Variants in PIK3CD observed in about 807,000 individuals in gnomAD.
The protein encoded by PIK3CD is phosphatidylinositol 4,5-bisphosphate 3-kinase catalytic subunit delta isoform.
Under a neutral mutation model 122.9 loss-of-function variants are expected in PIK3CD, and 20 were observed. The observed-to-expected ratio is 0.16, with a 90% CI of 0.11 to 0.24. The LOEUF is 0.24. Ranked by LOEUF, PIK3CD falls within the 10% of genes least tolerant of loss-of-function variation. PIK3CD has a pLI of 1.00. For synonymous variants in PIK3CD, 596 were observed against 593.4 expected (o/e 1.00, Z -0.06); for missense variants, 787 against 1,406.3 (o/e 0.56, Z 7.04).
At chr1:9,716,353 C>G in intron 5 of PIK3CD, 87 bp from the exon 6 acceptor site, 1 of 1,330,752 alleles carries the variant, frequency 7.5e-7, no homozygotes. Context: ...AGACCCTACC[C>G]TTGGGGGCAA....
the PIK3CD span, among the ~76,000 whole-genome samples, chr1:9,646,280 A>G: frequency 6.6e-6 from 1 of 152,330 alleles, no homozygotes; most frequent in East Asian, 1.9e-4. Context: ...GAGAAAATAT[A>G]ACTTCTCCTC....
At chr1:9,650,532 G>A (rs1388726765), upstream of PIK3CD, among the ~76,000 whole-genome samples, 1 of 152,010 alleles carries the variant, frequency 6.6e-6, no homozygotes, top group Non-Finnish European at 1.5e-5. Flanking sequence ...GCTGAGGTAG[G>A]AGAATTGCTT....
At chr1:9,653,603 C>T (rs879292596) in intron 1 of PIK3CD, 9 of 393,480 alleles carry the variant, frequency 2.3e-5, no homozygotes, top group African/African-American at 1.0e-4. Context: ...CTGTAACACC[C>T]GCTGCTGCTG....
chr1:9,703,259 A>G (rs543476848), intron 2 of PIK3CD, among the ~76,000 whole-genome samples: 87 of 152,362 alleles, frequency 5.7e-4, no homozygotes, highest in African/African-American at 2.1e-3. Context: ...GATAACGTGT[A>G]GTGATAGGCT....
the PIK3CD span, among the ~76,000 whole-genome samples, chr1:9,642,513 C>G: frequency 6.7e-6 from 1 of 148,710 alleles, no homozygotes; most frequent in African/African-American, 2.5e-5. Context: ...GTCAGGAGAT[C>G]GAGACCATCC....
intron 1 of PIK3CD, among the ~76,000 whole-genome samples, chr1:9,685,989 G>A (rs1645950920): frequency 6.6e-6 from 1 of 152,214 alleles, no homozygotes; most frequent in Non-Finnish European, 1.5e-5. Flanking sequence ...TTCCAGCCAG[G>A]TTGGAGGCTA....
chr1:9,662,348 A>C (rs534656206), intron 1 of PIK3CD: 172 of 166,498 alleles, frequency 1.0e-3, no homozygotes, highest in African/African-American at 3.9e-3. Flanking sequence ...TAATGATAAC[A>C]GCCTGGCTGG....
At chr1:9,651,166 G>T (rs1159518424), upstream of PIK3CD, among the ~76,000 whole-genome samples, 1 of 152,208 alleles carries the variant, frequency 6.6e-6, no homozygotes, top group Non-Finnish European at 1.5e-5. Context: ...TTTATAGATA[G>T]AAATCATTTT....
intron 1 of PIK3CD, among the ~76,000 whole-genome samples, chr1:9,660,138 C>G (rs1237894004): frequency 6.6e-6 from 1 of 152,244 alleles, no homozygotes; most frequent in Non-Finnish European, 1.5e-5. Context: ...GTCTCAAACT[C>G]CTGACCTAAA....
At chr1:9,649,627 T>G (rs1644638082), upstream of PIK3CD, among the ~76,000 whole-genome samples, 1 of 152,198 alleles carries the variant, frequency 6.6e-6, no homozygotes, top group Non-Finnish European at 1.5e-5. Context: ...AGTCCTTCTC[T>G]AAGCCTCAGA....
At chr1:9,726,535 G>A (rs934827137) in intron 23 of PIK3CD, among the ~76,000 whole-genome samples, 1 of 152,174 alleles carries the variant, frequency 6.6e-6, no homozygotes, top group Non-Finnish European at 1.5e-5. Context: ...AGATACATAT[G>A]TATTTTTTTT....
chr1:9,639,659 G>A, the PIK3CD span, among the ~76,000 whole-genome samples: 5 of 152,140 alleles, frequency 3.3e-5, no homozygotes, highest in African/African-American at 7.2e-5. Flanking sequence ...GGAGTTTTGC[G>A]CCTCCCTCTT....
At position 9,719,429 on chromosome 1, in the gene PIK3CD, G is replaced by C. The variant is rs927451211; in HGVS notation, c.1243-492G>C. Among the ~76,000 whole-genome samples the C allele has an allele frequency of 1.3e-5, 2 of 152,202 alleles. No homozygotes were observed. Among genetic ancestry groups the C allele is most frequent in the South Asian group, 4.1e-4 (2 of 4,828 alleles). ...TAATCCCAGCACTTTGGGAGGCCAA[G>C]GTGGTCGGCTTACAAGGTCAGGAGT... On this transcript the variant is annotated intron_variant, in intron 9 of 23. Transcript: ENST00000377346. This position sits in a 1 kb window ranked among gnomAD's most constrained non-coding sequence, Gnocchi z 5.5.
chr1:9,716,151 A>G lies in PIK3CD; in HGVS notation c.600+73A>G. On this transcript the variant is annotated intron_variant, in intron 5 of 23. Transcript: ENST00000377346. ...GAGCACTTCCTCTGTGAAACTCCTC[A>G]GTCATCCGCAAGCCCCCCTCCCCCA... is the stretch of plus-strand genomic sequence containing the variant. 3 of 1,252,438 alleles carry G rather than the reference A, an allele frequency of 2.4e-6. No individual in the cohort carries two copies. In the South Asian group the frequency reaches 3.8e-5, roughly 16 times the overall value. The allele number at this position is 1,252,438 out of a possible 1,614,324, so 77.6% of individuals were successfully genotyped here. A position where few individuals can be genotyped will look rare whatever the true frequency, so the allele number is the denominator to read the frequency against.
intron 1 of PIK3CD, among the ~76,000 whole-genome samples, chr1:9,657,590 G>A (rs1353128878): frequency 5.3e-5 from 8 of 152,000 alleles, no homozygotes; most frequent in Non-Finnish European, 2.9e-5. Flanking sequence ...GGTCCCAGGA[G>A]CAGAAAACTT....
chr1:9,717,448 G>A lies in PIK3CD; in HGVS notation c.931-89G>A, dbSNP rs569076524. On this transcript the variant is annotated intron_variant, in intron 7 of 23. Coordinates refer to ENST00000377346, the MANE Select transcript of PIK3CD (RefSeq NM_005026.5). This position sits in a 1 kb window ranked among gnomAD's most constrained non-coding sequence, Gnocchi z 5.4. Reference sequence around the variant, plus strand: ...CCGCAAACCTGTGACCCTCTCACCCGCCCCCAAGTGGTCACGGGCCTCACC... The same window carrying A: ...CCGCAAACCTGTGACCCTCTCACCCACCCCCAAGTGGTCACGGGCCTCACC... 24 of 1,274,814 alleles carry A rather than the reference G, an allele frequency of 1.9e-5. No homozygotes were observed. Among genetic ancestry groups the A allele is most frequent in the Non-Finnish European group, 2.4e-5 (21 of 873,548 alleles). 79.0% of individuals were successfully genotyped at this position (1,274,814 alleles called of 1,614,324 possible). A position where few individuals can be genotyped will look rare whatever the true frequency, so the allele number is the denominator to read the frequency against.
rs1310547691 is a variant in PIK3CD at position 9,715,788 on chromosome 1, C to T, written c.370+19C>T. ...GGCAAAGGTAGCTCTGCCGAGTGGGCCGTGTGGCCGGGCTGGCCCTGCCTG... is the reference window on the plus strand; with the variant it reads ...GGCAAAGGTAGCTCTGCCGAGTGGGTCGTGTGGCCGGGCTGGCCCTGCCTG... On this transcript the variant is annotated intron_variant, in intron 4 of 23. Transcript: ENST00000377346. The surrounding 1 kb of genome is among the most constrained non-coding windows in gnomAD (Gnocchi z 4.1). 2 of 1,612,438 alleles carry T rather than the reference C, an allele frequency of 1.2e-6. No individual in the cohort carries two copies. Among genetic ancestry groups the T allele is most frequent in the South Asian group, 1.1e-5 (1 of 91,062 alleles).
chr1:9,641,666 G>A, the PIK3CD span, among the ~76,000 whole-genome samples: 1 of 151,978 alleles, frequency 6.6e-6, no homozygotes, highest in African/African-American at 2.4e-5. Flanking sequence ...AGTATAAGGG[G>A]CACCATCCCC....
At chr1:9,682,518 G>A (rs186617971) in intron 1 of PIK3CD, among the ~76,000 whole-genome samples, 2 of 148,986 alleles carry the variant, frequency 1.3e-5, no homozygotes, top group East Asian at 2.0e-4. Flanking sequence ...GATTATAGGC[G>A]TCAGCCACCA....
Sources: gnomAD v4.1 joint callset for allele counts (sites outside exome capture counted in the v4.1 genomes callset) on GRCh38, gnomAD v4.1.1 for gene constraint, Gnocchi (gnomAD v3.1) non-coding constraint, MANE v1.5 for transcripts, NCBI Gene and HGNC (gene_info 2026-07-23, HGNC 2026-07-21) for gene names.